GRXCR2: variants seen among roughly 807,000 people sequenced by gnomAD.
GRXCR2 encodes the protein glutaredoxin domain-containing cysteine-rich protein 2.
GRXCR2 carries 23 observed loss-of-function variants against 24.8 expected under a neutral mutation model. That is an observed-to-expected ratio of 0.93 (90% confidence interval 0.67 to 1.32). GRXCR2 has a LOEUF of 1.32. Ranked by LOEUF, GRXCR2 falls within the 40% of genes most tolerant of loss-of-function variation. GRXCR2 has a pLI of 0.00. For missense variants in GRXCR2, 315 were observed against 303.4 expected, an observed-to-expected ratio of 1.04 and a Z score of -0.28; for synonymous variants, 130 against 116.1, an observed-to-expected ratio of 1.12 and a Z score of -0.77.
chr5:145,872,375 G>C (rs1313543638), intron 1 of GRXCR2, among the ~76,000 whole-genome samples: 2 of 152,194 alleles, frequency 1.3e-5, no homozygotes, highest in Non-Finnish European at 2.9e-5. Flanking sequence ...CTCAGTCAAA[G>C]ATCCAATTAC....
upstream of GRXCR2, among the ~76,000 whole-genome samples, chr5:145,877,013 C>T (rs113046553): frequency 2.9e-4 from 44 of 151,054 alleles, no homozygotes; most frequent in Non-Finnish European, 5.0e-4. Flanking sequence ...TTTTTTCTTT[C>T]CCAGTTTAAT....
intron 2 of GRXCR2, among the ~76,000 whole-genome samples, chr5:145,895,934 A>C (rs1333106486): frequency 6.6e-6 from 1 of 152,226 alleles, no homozygotes; most frequent in Non-Finnish European, 1.5e-5. Context: ...CAATACAGAG[A>C]TATAGAACAA....
At chr5:145,901,693 T>A (rs979363019) in intron 2 of GRXCR2, among the ~76,000 whole-genome samples, 2 of 151,866 alleles carry the variant, frequency 1.3e-5, no homozygotes, top group African/African-American at 2.4e-5. Context: ...CTTGAGTAGA[T>A]GAGGGAGGGA....
At chr5:145,876,216 T>TATATATAC (rs1420891903), upstream of GRXCR2, among the ~76,000 whole-genome samples, 685 of 133,790 alleles carry the variant, frequency 5.1e-3, 8 homozygotes, top group African/African-American at 0.019. Context: ...TATATATATA[T>TATATATAC]ACACACACAC....
Position 145,862,329 on chromosome 5 carries a change from T to A in GRXCR2, c.565-2414A>T, listed in dbSNP as rs1017581158. 4.6e-5 allele frequency among the ~76,000 whole-genome samples: 7 copies of A among 152,338 alleles called. No individual in the cohort carries two copies. In the South Asian group the frequency reaches 1.4e-3, roughly 32 times the overall value. On this transcript the variant is annotated intron_variant, in intron 2 of 2. Transcript: ENST00000377976. ...TTCCATCAAATTATATCTAATGTCA[T>A]ATAGTTCTAGGGTGCACTACATTAT...
chr5:145,910,338 G>A (rs1227063740), intron 2 of GRXCR2, among the ~76,000 whole-genome samples: 1 of 152,122 alleles, frequency 6.6e-6, no homozygotes, highest in East Asian at 1.9e-4. Context: ...CCAGAGACCA[G>A]TCTGACCTTT....
intron 2 of GRXCR2, among the ~76,000 whole-genome samples, chr5:145,902,428 T>C (rs1201716981): frequency 6.6e-6 from 1 of 152,144 alleles, no homozygotes; most frequent in African/African-American, 2.4e-5. Context: ...TAAACTAACA[T>C]ATAGATGACC....
At chr5:145,887,018 C>A (rs1246044724) in intron 2 of GRXCR2, among the ~76,000 whole-genome samples, 1 of 152,134 alleles carries the variant, frequency 6.6e-6, no homozygotes, top group African/African-American at 2.4e-5. Context: ...CCAAGTTGTT[C>A]CAATCATATT....
intron 2 of GRXCR2, among the ~76,000 whole-genome samples, chr5:145,892,546 A>C (rs1454305376): frequency 1.3e-5 from 2 of 152,196 alleles, no homozygotes. Context: ...ATGGAAGAAC[A>C]ATGAATGAAA....
intron 2 of GRXCR2, among the ~76,000 whole-genome samples, chr5:145,903,398 G>A (rs1446786340): frequency 6.6e-6 from 1 of 152,110 alleles, no homozygotes; most frequent in Non-Finnish European, 1.5e-5. Context: ...CCTGCTAAGA[G>A]GCAGTTTCCT....
At chr5:145,881,782 G>A (rs999609973) in intron 2 of GRXCR2, among the ~76,000 whole-genome samples, 35 of 152,190 alleles carry the variant, frequency 2.3e-4, no homozygotes, top group Admixed American at 5.2e-4. Context: ...CTACAAGGCT[G>A]CAGTAACCAA....
At chr5:145,916,572 A>C (rs1224637676) in intron 2 of GRXCR2, among the ~76,000 whole-genome samples, 1 of 152,326 alleles carries the variant, frequency 6.6e-6, no homozygotes, top group East Asian at 1.9e-4. Flanking sequence ...TTGTATTTTG[A>C]AGAGTTTCAT....
chr5:145,902,317 G>A (rs1013448444), intron 2 of GRXCR2, among the ~76,000 whole-genome samples: 1 of 152,004 alleles, frequency 6.6e-6, no homozygotes, highest in African/African-American at 2.4e-5. Flanking sequence ...TTTCCAGGCT[G>A]GTCTCAAACT....
At chr5:145,861,192 G>A (rs1756332102) in intron 2 of GRXCR2, among the ~76,000 whole-genome samples, 1 of 152,142 alleles carries the variant, frequency 6.6e-6, no homozygotes, top group African/African-American at 2.4e-5. Flanking sequence ...GTGGACCCAT[G>A]CCTCTGGTCT....
At chr5:145,907,080 A>C (rs1757099685) in intron 2 of GRXCR2, among the ~76,000 whole-genome samples, 3 of 152,128 alleles carry the variant, frequency 2.0e-5, no homozygotes, top group Admixed American at 2.0e-4. Flanking sequence ...TGGCTAAGGC[A>C]TAGAGGACAG....
chr5:145,882,002 T>C (rs975354005), intron 2 of GRXCR2, among the ~76,000 whole-genome samples: 7 of 152,218 alleles, frequency 4.6e-5, no homozygotes, highest in East Asian at 1.9e-4. Context: ...TTCCTTACAC[T>C]TTATACAAAA....
chr5:145,866,810 A>C (rs1322382660), intron 1 of GRXCR2, 82 bp from the exon 2 acceptor site: 3 of 852,864 alleles, frequency 3.5e-6, no homozygotes, highest in Middle Eastern at 2.3e-4. Context: ...ACATACCAGG[A>C]AACAGCAGAG....
intron 2 of GRXCR2, among the ~76,000 whole-genome samples, chr5:145,890,955 G>C (rs987213465): frequency 6.6e-6 from 1 of 151,956 alleles, no homozygotes; most frequent in Admixed American, 6.6e-5. Context: ...TAGAAATCAA[G>C]AAAAAGCAGG....
At chr5:145,927,135 C>A (rs916294135) in intron 2 of GRXCR2, among the ~76,000 whole-genome samples, 1 of 152,154 alleles carries the variant, frequency 6.6e-6, no homozygotes, top group Non-Finnish European at 1.5e-5. Context: ...TGAGCTGAGA[C>A]GATGGGGTTT....
Sources: allele counts gnomAD v4.1 joint callset (sites outside exome capture counted in the v4.1 genomes callset), GRCh38; gene constraint gnomAD v4.1.1; transcripts MANE v1.5; gene names NCBI Gene and HGNC (gene_info 2026-07-23, HGNC 2026-07-21).